RELN: variants seen among roughly 807,000 people sequenced by gnomAD.
RELN encodes reelin.
Under a neutral mutation model 427.6 loss-of-function variants are expected in RELN, and 108 were observed. That is an observed-to-expected ratio of 0.25 (90% CI 0.22 to 0.30). RELN has a LOEUF of 0.30. RELN is among the 10% of genes least tolerant of loss of function. The probability of loss-of-function intolerance (pLI) is 1.00; values close to 1 mark genes in which losing one functional copy is unlikely to be tolerated. For synonymous variants in RELN, 1,524 were observed against 1,513.4 expected, an observed-to-expected ratio of 1.01 and a Z score of -0.16; for missense variants, 3,715 against 4,302.8, an observed-to-expected ratio of 0.86 and a Z score of 3.82.
chr7:103,637,453 G>T (rs541822097), intron 17 of RELN, among the ~76,000 whole-genome samples: 1 of 152,230 alleles, frequency 6.6e-6, no homozygotes, highest in Admixed American at 6.5e-5. Flanking sequence ...TGAGACTTGG[G>T]TCTATGCTGG....
intron 64 of RELN, among the ~76,000 whole-genome samples, 199 bp downstream of exon 64, chr7:103,478,190 C>G (rs540095954): frequency 6.6e-6 from 1 of 152,150 alleles, no homozygotes; most frequent in African/African-American, 2.4e-5. Flanking sequence ...AGGGACTTAT[C>G]TCAATTTGAC....
At chr7:103,538,288 G>A (rs1830101477) in intron 45 of RELN, among the ~76,000 whole-genome samples, 1 of 152,024 alleles carries the variant, frequency 6.6e-6, no homozygotes, top group Non-Finnish European at 1.5e-5. Flanking sequence ...AACTGAACGG[G>A]GACCTTGTGA....
intron 54 of RELN, 40 bp downstream of exon 54, chr7:103,498,037 C>T (rs780012413): frequency 6.2e-7 from 1 of 1,607,896 alleles, no homozygotes; most frequent in East Asian, 2.2e-5. Context: ...GACCAATTTG[C>T]TATGGTGCAA....
intron 6 of RELN, among the ~76,000 whole-genome samples, chr7:103,744,221 C>G (rs1790753261): frequency 6.6e-6 from 1 of 152,056 alleles, no homozygotes; most frequent in Non-Finnish European, 1.5e-5. Context: ...CCAATGAGAA[C>G]AAAGACACAA....
chr7:103,483,061 GCTAAT>G, intron 62 of RELN, 90 bp from the exon 63 acceptor site: 2 of 987,494 alleles, frequency 2.0e-6, no homozygotes, highest in South Asian at 1.3e-5. Flanking sequence ...ATTATAATAG[GCTAAT>G]CTAAATCAAC....
chr7:103,808,765 A>T (rs374459628), intron 3 of RELN, among the ~76,000 whole-genome samples: 2 of 152,170 alleles, frequency 1.3e-5, no homozygotes, highest in East Asian at 1.9e-4. Flanking sequence ...AAAAAGAGGT[A>T]GAAATAGGAG....
At chr7:103,811,267 A>G (rs1792737022) in intron 3 of RELN, among the ~76,000 whole-genome samples, 1 of 152,194 alleles carries the variant, frequency 6.6e-6, no homozygotes. Flanking sequence ...AATTGCCTGT[A>G]TCTGAAAAAT....
intron 3 of RELN, among the ~76,000 whole-genome samples, chr7:103,783,741 A>G (rs1185855898): frequency 6.6e-6 from 1 of 152,166 alleles, no homozygotes; most frequent in Admixed American, 6.6e-5. Flanking sequence ...AAATCAATGA[A>G]TGGTTAATAG....
chr7:103,496,319 T>A (rs1040388099), intron 56 of RELN, among the ~76,000 whole-genome samples: 2 of 152,228 alleles, frequency 1.3e-5, no homozygotes, highest in African/African-American at 4.8e-5. Flanking sequence ...GCCTTTAACA[T>A]GATTTATTGA....
At chr7:103,501,109 T>C (rs899664770) in intron 52 of RELN, among the ~76,000 whole-genome samples, 187 bp from the exon 53 acceptor site, 2 of 152,186 alleles carry the variant, frequency 1.3e-5, no homozygotes, top group Admixed American at 1.3e-4. Flanking sequence ...TCAAGCTGGT[T>C]TTATTGAAAT....
intron 3 of RELN, among the ~76,000 whole-genome samples, chr7:103,827,724 T>C (rs1394172618): frequency 1.3e-5 from 2 of 151,992 alleles, no homozygotes; most frequent in South Asian, 2.1e-4. Context: ...TTCTTTTATC[T>C]TGTCATCTAG....
At chr7:103,651,829 G>C (rs1259672942) in intron 14 of RELN, 40 bp from the exon 15 acceptor site, 1 of 1,602,562 alleles carries the variant, frequency 6.2e-7, no homozygotes, top group Non-Finnish European at 8.5e-7. Flanking sequence ...AGGTGGGGAG[G>C]GTAAAGATAA....
At chr7:103,977,310 CAAAAAAAAAA>C (rs201026012) in intron 1 of RELN, among the ~76,000 whole-genome samples, 43,325 of 87,950 alleles carry the variant, frequency 0.49, 8,116 homozygotes, top group Admixed American at 0.51. Context: ...GACTCTGTCT[CAAAAAAAAAA>C]AAAAAAAAAA....
intron 4 of RELN, among the ~76,000 whole-genome samples, chr7:103,755,088 A>G (rs1368995784): frequency 3.3e-5 from 5 of 152,128 alleles, no homozygotes; most frequent in Admixed American, 3.3e-4. Flanking sequence ...GTTAGCTGCA[A>G]AGGTGAGAAA....
intron 53 of RELN, among the ~76,000 whole-genome samples, chr7:103,498,903 T>C (rs564864932): frequency 1.3e-5 from 2 of 152,340 alleles, no homozygotes; most frequent in African/African-American, 4.8e-5. Context: ...TAATGTATTA[T>C]ATTATGAAAC....
chr7:103,898,074 A>G (rs1420284328), intron 2 of RELN, among the ~76,000 whole-genome samples: 1 of 152,070 alleles, frequency 6.6e-6, no homozygotes, highest in Non-Finnish European at 1.5e-5. Context: ...GTCAAATAAC[A>G]GTTTCTTAAG....
chr7:103,876,760 C>T, intron 2 of RELN, among the ~76,000 whole-genome samples: 1 of 151,046 alleles, frequency 6.6e-6, no homozygotes, highest in Middle Eastern at 3.2e-3. Flanking sequence ...ATTATCAGAA[C>T]ACATGATAAA....
intron 31 of RELN, 140 bp downstream of exon 31, chr7:103,572,044 C>A (rs747925712): frequency 7.3e-6 from 5 of 684,928 alleles, no homozygotes; most frequent in South Asian, 6.2e-5. Flanking sequence ...GTGCAGCCAC[C>A]GATTCTACAA....
intron 15 of RELN, among the ~76,000 whole-genome samples, chr7:103,651,201 A>G (rs976848785): frequency 6.6e-6 from 1 of 152,108 alleles, no homozygotes; most frequent in African/African-American, 2.4e-5. Context: ...CAAGTATTTT[A>G]TATAATCATC....
Sources: gnomAD v4.1 joint callset for allele counts (sites outside exome capture counted in the v4.1 genomes callset) on GRCh38, gnomAD v4.1.1 for gene constraint, MANE v1.5 for transcripts, NCBI Gene and HGNC (gene_info 2026-07-23, HGNC 2026-07-21) for gene names.